GARNL3: variants seen among roughly 807,000 people sequenced by gnomAD.
GARNL3 encodes GTPase activating Rap/RanGAP domain like 3, also known as GTPase-activating Rap/Ran-GAP domain-like protein 3.
Under a neutral mutation model 125.0 loss-of-function variants are expected in GARNL3, and 63 were observed. The ratio of observed to expected loss-of-function variants is 0.50; its 90% CI spans 0.41 to 0.62. The LOEUF (loss-of-function observed/expected upper bound fraction) is 0.62. Ranked by LOEUF, GARNL3 falls within the 20% of genes least tolerant of loss-of-function variation. The pLI is 0.00. For synonymous variants in GARNL3, 439 were observed against 457.5 expected (o/e 0.96, Z 0.52); for missense variants, 994 against 1,244.0 (o/e 0.80, Z 3.02).
intron 2 of GARNL3, among the ~76,000 whole-genome samples, chr9:127,292,898 A>G (rs1180962127): frequency 1.3e-5 from 2 of 152,220 alleles, no homozygotes; most frequent in African/African-American, 2.4e-5. Flanking sequence ...GGCCTTGGGC[A>G]GTTCAGTTGA....
Position 127,344,317 on chromosome 9 carries a change from C to T in GARNL3, c.1334C>T (p.Ala445Val), listed in dbSNP as rs756264516. ...SARKKEEARQ[A>V]EFVRIGQALK... ...CGGAAGAAAGAGGAGGCCCGCCAGG[C>T]GGAGTTTGTTAGAATAGGGCAGGTG... Residue 445 changes from alanine (A) to valine (V), a missense_variant, in exon 15 of 28, where the codon GCG (alanine) becomes GTG (valine). This residue lies in a region of GARNL3 where 728 missense variants were observed against 865.7 expected (regional missense o/e 0.84). Transcript: ENST00000373387. The T allele has an allele frequency of 4.3e-5, 70 of 1,613,566 alleles. No homozygotes were observed. The highest frequency in any genetic ancestry group is 2.0e-4 in the East Asian group (9 of 44,878).
chr9:127,348,773 T>C (rs768358219), intron 16 of GARNL3, 151 bp from the exon 17 acceptor site: 5 of 541,280 alleles, frequency 9.2e-6, no homozygotes, highest in African/African-American at 4.0e-5. Context: ...AGAAAGGTAA[T>C]TGAGTCCAGA....
rs749909845 is a variant in GARNL3, at chr9:127,391,130, CA to C, written c.2870+368del. ...TGAAACCCCATCTCTACTAAAAATA[CA>C]AAAAGTAGCCGGGCGTGGTGGCACA... On this transcript the variant is annotated intron_variant, in intron 27 of 27. Transcript: ENST00000373387. Among the ~76,000 whole-genome samples the C allele has an allele frequency of 2.3e-4, 35 of 151,870 alleles. 1 individual carries two copies. In the East Asian group the frequency reaches 2.5e-3, roughly 11 times the overall value.
At chr9:127,235,416 A>C (rs1179519662) in intron 1 of GARNL3, among the ~76,000 whole-genome samples, 1 of 152,052 alleles carries the variant, frequency 6.6e-6, no homozygotes, top group Non-Finnish European at 1.5e-5. Context: ...GAAACATAAA[A>C]ATTTTGTGGA....
chr9:127,380,679 A>C (rs1310430606), intron 22 of GARNL3, among the ~76,000 whole-genome samples: 1 of 152,224 alleles, frequency 6.6e-6, no homozygotes, highest in African/African-American at 2.4e-5. Context: ...GCCAGACACA[A>C]AAGGCCACAT....
intron 16 of GARNL3, among the ~76,000 whole-genome samples, chr9:127,348,689 G>T (rs1830269492): frequency 6.6e-6 from 1 of 152,174 alleles, no homozygotes; most frequent in South Asian, 2.1e-4. Flanking sequence ...ACAGAGACAG[G>T]TTATGGTGCC....
chr9:127,385,209 G>A lies in GARNL3; in HGVS notation c.2388+64G>A. The A allele has an allele frequency of 2.0e-6, 2 of 1,006,490 alleles. No homozygotes were observed. The highest frequency in any genetic ancestry group is 1.6e-5 in the South Asian group (1 of 63,650). The allele number at this position is 1,006,490 out of a possible 1,614,324, so 62.3% of individuals were successfully genotyped here. A position where few individuals can be genotyped will look rare whatever the true frequency, so the allele number is the denominator to read the frequency against. ...GGACCCCGGCACTGTGGGATTTCAG[G>A]TGAGCACAGAAGCCGCCTCTTGTCA... On this transcript the variant is annotated intron_variant, in intron 24 of 27. Coordinates refer to ENST00000373387, the MANE Select transcript of GARNL3 (RefSeq NM_032293.5). This position sits in a 1 kb window ranked among gnomAD's most constrained non-coding sequence, Gnocchi z 4.1.
At chr9:127,390,615 C>T in intron 26 of GARNL3, 26 bp from the exon 27 acceptor site, 1 of 1,612,252 alleles carries the variant, frequency 6.2e-7, no homozygotes, top group Non-Finnish European at 8.5e-7. Context: ...TGGTAGTGAC[C>T]CTCTGACCTA....
chr9:127,366,250 A>G (rs968911042), intron 22 of GARNL3, among the ~76,000 whole-genome samples: 5 of 152,276 alleles, frequency 3.3e-5, no homozygotes, highest in Admixed American at 2.6e-4. Flanking sequence ...TATAAACATC[A>G]TCTTTCAAAA....
intron 7 of GARNL3, among the ~76,000 whole-genome samples, chr9:127,328,502 A>G (rs116045670): frequency 0.027 from 4,157 of 152,264 alleles, 170 homozygotes; most frequent in African/African-American, 0.096. Flanking sequence ...CAGTGTCCTG[A>G]AACCCATGTT....
intron 1 of GARNL3, among the ~76,000 whole-genome samples, chr9:127,233,627 A>G (rs1316125799): frequency 6.6e-6 from 1 of 152,198 alleles, no homozygotes; most frequent in Non-Finnish European, 1.5e-5. Flanking sequence ...GTGGGTGCAG[A>G]GCCCTACCAT....
intron 2 of GARNL3, among the ~76,000 whole-genome samples, chr9:127,252,045 T>C (rs2063414462): frequency 6.6e-6 from 1 of 152,222 alleles, no homozygotes; most frequent in African/African-American, 2.4e-5. Context: ...CCAAACCCTT[T>C]TTCCTTTGTC....
Position 127,345,428 on chromosome 9 carries a change from G to C in GARNL3, c.1382G>C (p.Arg461Thr). The C allele has an allele frequency of 6.2e-7, 1 of 1,607,240 alleles. No individual in the cohort carries two copies. The highest frequency in any genetic ancestry group is 1.1e-5 in the South Asian group (1 of 89,498). ...GQALKLKSIVRGDAPSSLAAS... is the reference protein window; with the variant it reads ...GQALKLKSIVTGDAPSSLAAS... ...GCACTAAAACTGAAATCCATTGTGA[G>C]AGGGGATGCTCCATCAAGCTTGGCA... Residue 461 changes from arginine (R) to threonine (T), a missense_variant, in exon 16 of 28, where the codon AGA becomes ACA. Physicochemically the swap from Arg to Thr is moderately conservative, Grantham distance 71 (BLOSUM62 -1). This residue lies in a region of GARNL3 where 728 missense variants were observed against 865.7 expected (regional missense o/e 0.84). Transcript: ENST00000373387.
At chr9:127,260,126 A>G (rs1218864286), upstream of GARNL3, among the ~76,000 whole-genome samples, 1 of 152,174 alleles carries the variant, frequency 6.6e-6, no homozygotes, top group East Asian at 1.9e-4. Flanking sequence ...ATTCCCAGAG[A>G]GGCTGAGAAC....
intron 13 of GARNL3, among the ~76,000 whole-genome samples, chr9:127,340,215 A>G (rs754675784): frequency 4.6e-5 from 7 of 152,178 alleles, no homozygotes; most frequent in Non-Finnish European, 1.0e-4. Flanking sequence ...AGAGAAAGAC[A>G]GAATGAGAAC....
intron 1 of GARNL3, among the ~76,000 whole-genome samples, chr9:127,265,237 G>A (rs921701239): frequency 2.0e-5 from 3 of 151,986 alleles, no homozygotes; most frequent in Admixed American, 2.0e-4. Flanking sequence ...TTGTCTTCCA[G>A]TTTGTTAAAA....
chr9:127,285,001 G>A (rs1014547320), intron 1 of GARNL3, among the ~76,000 whole-genome samples: 3 of 152,096 alleles, frequency 2.0e-5, no homozygotes, highest in African/African-American at 7.2e-5. Flanking sequence ...ACAATAGGCT[G>A]AGATGCATAT....
chr9:127,285,743 A>G (rs899654635), intron 1 of GARNL3, among the ~76,000 whole-genome samples: 1 of 152,200 alleles, frequency 6.6e-6, no homozygotes, highest in African/African-American at 2.4e-5. Flanking sequence ...AATTATCCAT[A>G]TAAAATAACA....
chr9:127,283,402 G>C (rs2064153411), intron 1 of GARNL3, among the ~76,000 whole-genome samples: 1 of 152,194 alleles, frequency 6.6e-6, no homozygotes, highest in African/African-American at 2.4e-5. Context: ...TGGGCACAGT[G>C]GCTCACGCCT....
Sources: allele counts gnomAD v4.1 joint callset (sites outside exome capture counted in the v4.1 genomes callset), GRCh38; gene constraint gnomAD v4.1.1; regional missense constraint gnomAD v4.1.1; non-coding constraint Gnocchi (gnomAD v3.1); transcripts MANE v1.5; gene names NCBI Gene and HGNC (gene_info 2026-07-23, HGNC 2026-07-21).